Variants in SLC24A2 observed in about 807,000 individuals in gnomAD.
SLC24A2 encodes sodium/potassium/calcium exchanger 2.
In SLC24A2, 36 loss-of-function variants were observed where a neutral mutation model predicts 62.0. The observed-to-expected ratio is 0.58, with a 90% confidence interval of 0.44 to 0.77. The LOEUF is 0.77. Among genes scored for constraint, SLC24A2 ranks in the 30% least tolerant of loss-of-function variants. The probability of loss-of-function intolerance (pLI) is 0.00; values close to 1 mark genes in which losing one functional copy is unlikely to be tolerated. For synonymous variants in SLC24A2, 358 were observed against 294.0 expected (o/e 1.22, Z -2.23); for missense variants, 846 against 817.9 (o/e 1.03, Z -0.42).
chr9:19,585,833 G>T (rs552012757), intron 5 of SLC24A2, among the ~76,000 whole-genome samples: 2 of 152,264 alleles, frequency 1.3e-5, no homozygotes, highest in Non-Finnish European at 2.9e-5. Context: ...ACCCACGTGT[G>T]CCCATTCAGG....
the SLC24A2 span, among the ~76,000 whole-genome samples, chr9:19,947,808 A>AGAAAGAAAGAAAGAAAGAAAG: frequency 6.8e-5 from 4 of 59,226 alleles, no homozygotes; most frequent in East Asian, 4.4e-4. Flanking sequence ...AAAAAAAAAA[A>AGAAAGAAAGAAAGAAAGAAAG]AAAGAAAGAA....
At chr9:19,941,591 G>GTGTGTGAGAGAC in the SLC24A2 span, among the ~76,000 whole-genome samples, 1 of 10,390 alleles carries the variant, frequency 9.6e-5, no homozygotes, top group African/African-American at 2.2e-4. Context: ...GTGTGTGTGT[G>GTGTGTGAGAGAC]AGAGAGAGAG....
At chr9:19,768,639 C>T (rs180958408) in intron 2 of SLC24A2, among the ~76,000 whole-genome samples, 3 of 152,244 alleles carry the variant, frequency 2.0e-5, no homozygotes, top group African/African-American at 4.8e-5. Context: ...GGACAGAGAG[C>T]GACAGCACAA....
At chr9:19,529,023 C>A (rs1833565513) in intron 8 of SLC24A2, among the ~76,000 whole-genome samples, 1 of 152,188 alleles carries the variant, frequency 6.6e-6, no homozygotes, top group African/African-American at 2.4e-5. Flanking sequence ...CAGGCTTGCA[C>A]TGTAGTGGTG....
At chr9:20,013,047 A>T in the SLC24A2 span, among the ~76,000 whole-genome samples, 1 of 152,176 alleles carries the variant, frequency 6.6e-6, no homozygotes, top group African/African-American at 2.4e-5. Context: ...AGAAATGGAA[A>T]AAACAATTCT....
At chr9:19,748,151 C>A (rs113707226) in intron 2 of SLC24A2, among the ~76,000 whole-genome samples, 1 of 152,032 alleles carries the variant, frequency 6.6e-6, no homozygotes, top group Non-Finnish European at 1.5e-5. Context: ...AATTATTTAC[C>A]AAAAGCAAAT....
At chr9:19,951,117 T>G in the SLC24A2 span, among the ~76,000 whole-genome samples, 1 of 152,140 alleles carries the variant, frequency 6.6e-6, no homozygotes, top group Non-Finnish European at 1.5e-5. Context: ...AAGTATCACT[T>G]CATCATTAAG....
At chr9:19,873,463 TTTTC>T in the SLC24A2 span, among the ~76,000 whole-genome samples, 2 of 149,808 alleles carry the variant, frequency 1.3e-5, no homozygotes, top group Non-Finnish European at 3.0e-5. Flanking sequence ...CTTTCTTTCT[TTTTC>T]TTTCTCTCTC....
intron 10 of SLC24A2, among the ~76,000 whole-genome samples, chr9:19,518,297 A>G (rs1268716467): frequency 6.6e-6 from 1 of 152,230 alleles, no homozygotes; most frequent in East Asian, 1.9e-4. Context: ...GCTAAAGATG[A>G]AAGATGCATA....
intron 2 of SLC24A2, among the ~76,000 whole-genome samples, chr9:19,622,839 A>G (rs1470209537): frequency 6.6e-6 from 1 of 152,172 alleles, no homozygotes; most frequent in Non-Finnish European, 1.5e-5. Context: ...GGGGGGAGTC[A>G]GCATTCATTG....
At chr9:19,780,546 G>A (rs1320479644) in intron 2 of SLC24A2, among the ~76,000 whole-genome samples, 2 of 151,702 alleles carry the variant, frequency 1.3e-5, no homozygotes, top group Non-Finnish European at 2.9e-5. Context: ...GATTACAGGT[G>A]TGAGCCACCG....
chr9:20,270,834 C>G, the SLC24A2 span, among the ~76,000 whole-genome samples: 2 of 152,160 alleles, frequency 1.3e-5, no homozygotes, highest in African/African-American at 4.8e-5. Context: ...AATTTGAAAG[C>G]TGATGTCTTA....
chr9:19,960,350 C>T, the SLC24A2 span, among the ~76,000 whole-genome samples: 2 of 152,008 alleles, frequency 1.3e-5, no homozygotes, highest in Admixed American at 6.6e-5. Context: ...CTATTCTATT[C>T]TATTTCTTTA....
the SLC24A2 span, among the ~76,000 whole-genome samples, chr9:19,979,200 C>G: frequency 1.3e-5 from 2 of 152,158 alleles, no homozygotes; most frequent in Admixed American, 1.3e-4. Context: ...TAGAATAGTG[C>G]TTCTTAAACT....
Position 19,508,608 on chromosome 9 carries a change from CAT to C in SLC24A2, c.*7543_*7544del. On this transcript the variant is annotated 3_prime_UTR_variant, in exon 11 of 11. Transcript: ENST00000341998. Reference sequence around the variant, plus strand: ...AGGAGTTTGAGACCAGCCTGGGTAACATAGTGAGACTCCATCTCTTAACAACA... The same window carrying C: ...AGGAGTTTGAGACCAGCCTGGGTAACAGTGAGACTCCATCTCTTAACAACA... The C allele has an allele frequency of 6.6e-6, 1 of 152,128 alleles. No homozygotes were observed. The highest frequency in any genetic ancestry group is 2.1e-4 in the South Asian group (1 of 4,814). The allele number at this position is 152,128 out of a possible 1,614,324, so 9.4% of individuals were successfully genotyped here. A position where few individuals can be genotyped will look rare whatever the true frequency, so the allele number is the denominator to read the frequency against.
At chr9:20,029,676 A>C in the SLC24A2 span, among the ~76,000 whole-genome samples, 1 of 152,212 alleles carries the variant, frequency 6.6e-6, no homozygotes, top group Non-Finnish European at 1.5e-5. Flanking sequence ...CCCTCACAAC[A>C]ACCCAAGAAA....
chr9:20,028,617 G>A, the SLC24A2 span, among the ~76,000 whole-genome samples: 10 of 152,086 alleles, frequency 6.6e-5, no homozygotes, highest in African/African-American at 1.2e-4. Context: ...CCATAGAAAC[G>A]TGCCATTCTG....
chr9:20,273,176 C>A, the SLC24A2 span, among the ~76,000 whole-genome samples: 1 of 152,184 alleles, frequency 6.6e-6, no homozygotes, highest in Non-Finnish European at 1.5e-5. Flanking sequence ...AATATGGCTT[C>A]CTGGAAATTG....
chr9:20,106,898 G>A, the SLC24A2 span, among the ~76,000 whole-genome samples: 1 of 152,128 alleles, frequency 6.6e-6, no homozygotes, highest in Non-Finnish European at 1.5e-5. Context: ...AGGAAAAGAG[G>A]AAGTCAAATT....
Sources: gnomAD v4.1 joint callset for allele counts (sites outside exome capture counted in the v4.1 genomes callset) on GRCh38, gnomAD v4.1.1 for gene constraint, MANE v1.5 for transcripts, NCBI Gene and HGNC (gene_info 2026-07-23, HGNC 2026-07-21) for gene names.